Variants in CFHR4 observed in about 807,000 individuals in gnomAD.
The protein encoded by CFHR4 is complement factor H-related protein 4.
A neutral mutation model predicts 69.3 loss-of-function variants in CFHR4; 64 were observed. The observed-to-expected ratio is 0.92, with a 90% CI of 0.76 to 1.14. The LOEUF (loss-of-function observed/expected upper bound fraction) is 1.14. Among genes scored for constraint, CFHR4 ranks in the 50% most tolerant of loss-of-function variants. The pLI, the probability that CFHR4 is intolerant of heterozygous loss-of-function variation, is 0.00. For missense variants in CFHR4, 636 were observed against 684.9 expected, an observed-to-expected ratio of 0.93 and a Z score of 0.80; for synonymous variants, 244 against 237.0, an observed-to-expected ratio of 1.03 and a Z score of -0.27.
intron 7 of CFHR4, among the ~76,000 whole-genome samples, chr1:196,914,007 A>G (rs1245715766): frequency 6.6e-6 from 1 of 151,522 alleles, no homozygotes; most frequent in Non-Finnish European, 1.5e-5. Context: ...TCTACTTTAA[A>G]ACTTGTAAAA....
Position 196,910,441 on chromosome 1 carries a change from C to A in CFHR4, c.960C>A (p.Cys320Ter). Residue 320 changes from cysteine (C) to a stop codon, truncating the protein, a stop_gained, in exon 6 of 10, where the codon TGC becomes TGA. Coordinates refer to ENST00000608469, the MANE Select transcript of CFHR4 (RefSeq NM_001201550.3). LOFTEE classifies it high-confidence loss of function. Reference protein sequence around the residue: ...PSGSYWDYIHCTQDGWLPTVP... With the variant: ...PSGSYWDYIH ...GAAGTTACTGGGATTACATTCACTG[C>A]ACACAAGATGGGTGGTTGCCAACAG... 3 of 1,612,758 alleles carry A rather than the reference C, an allele frequency of 1.9e-6. No individual in the cohort carries two copies. The highest frequency in any genetic ancestry group is 2.5e-6 in the Non-Finnish European group (3 of 1,179,596).
At chr1:196,909,265 A>T (rs1658105952) in intron 5 of CFHR4, among the ~76,000 whole-genome samples, 1 of 151,486 alleles carries the variant, frequency 6.6e-6, no homozygotes, top group South Asian at 2.1e-4. Context: ...GTTCCATGAT[A>T]CAAGCAAGAC....
rs1403061697 is a variant in CFHR4 at position 196,910,497 on chromosome 1, A to G, written c.997+19A>G. 6.3e-7 allele frequency: 1 copy of G among 1,590,242 alleles called. No individual in the cohort carries two copies. The highest frequency in any genetic ancestry group is 8.6e-7 in the Non-Finnish European group (1 of 1,160,722). On this transcript the variant is annotated intron_variant, in intron 6 of 9. Coordinates refer to ENST00000608469, the MANE Select transcript of CFHR4 (RefSeq NM_001201550.3). ...TGCCTCAGTAAGCAAACCTCTTTAC[A>G]ACAATATGTGCATAAAACTTGCAAA...
At chr1:196,909,768 T>C (rs1465468355) in intron 5 of CFHR4, among the ~76,000 whole-genome samples, 2 of 151,274 alleles carry the variant, frequency 1.3e-5, no homozygotes, top group Non-Finnish European at 2.9e-5. Flanking sequence ...CTAACCACCA[T>C]GGCACACATT....
At chr1:196,890,920 A>G (rs1274932720) in intron 1 of CFHR4, among the ~76,000 whole-genome samples, 1 of 151,524 alleles carries the variant, frequency 6.6e-6, no homozygotes, top group East Asian at 1.9e-4. Context: ...ATGAACCTAA[A>G]CTATGAAAAC....
chr1:196,905,961 T>C (rs1248383654), intron 3 of CFHR4, among the ~76,000 whole-genome samples: 1 of 151,568 alleles, frequency 6.6e-6, no homozygotes, highest in Non-Finnish European at 1.5e-5. Context: ...TAATGAACAA[T>C]GGAAACCTTG....
rs752075259 is a variant in CFHR4 at position 196,914,501 on chromosome 1, G to C, written c.1187G>C (p.Cys396Ser). Residue 396 changes from cysteine (C) to serine (S), a missense_variant, in exon 8 of 10, where the codon TGT (cysteine) becomes TCT (serine). Coordinates refer to ENST00000608469, the MANE Select transcript of CFHR4 (RefSeq NM_001201550.3). The stretch of plus-strand genomic sequence containing the variant: ...CAATTTTATTTTGTTTCAGAATTTT[G>C]TGATATGCCTGTTTTTGAGAATTCC... ...WSAQPICIKF[C>S]DMPVFENSRA... 6.2e-7 allele frequency: 1 copy of C among 1,605,336 alleles called. No individual in the cohort carries two copies. Among genetic ancestry groups the C allele is most frequent in the Non-Finnish European group, 8.5e-7 (1 of 1,176,510 alleles).
At position 196,907,179 on chromosome 1, in the gene CFHR4, TA is replaced by T. The variant is rs201837888; in HGVS notation, c.617-128del. On this transcript the variant is annotated intron_variant, in intron 4 of 9. Coordinates refer to ENST00000608469, the MANE Select transcript of CFHR4 (RefSeq NM_001201550.3). ...TTTGAGTGTGAATTACCTTGAAACT[TA>T]AAAAAAAAGGTTGAAAATACAAATG... 1.1e-3 allele frequency: 1,337 copies of T among 1,190,872 alleles called. 7 individuals carry two copies. The highest frequency in any genetic ancestry group is 2.5e-3 in the Admixed American group (98 of 39,600). 73.8% of individuals were successfully genotyped at this position (1,190,872 alleles called of 1,614,324 possible).
chr1:196,902,033 A>G lies in CFHR4; in HGVS notation c.59-385A>G, dbSNP rs147620774. Among the ~76,000 whole-genome samples, 256 of 151,588 alleles carry G rather than the reference A, an allele frequency of 1.7e-3. 6 individuals carry two copies. Among genetic ancestry groups the G allele is most frequent in the African/African-American group, 5.8e-3 (239 of 41,140 alleles). On this transcript the variant is annotated intron_variant, in intron 1 of 9. Coordinates refer to ENST00000608469, the MANE Select transcript of CFHR4 (RefSeq NM_001201550.3). ...TTTTTAAAATCCTCAAAAAACTACT[A>G]TCTCCCACTCTAGAGTTGGTCTGAG...
rs202205962 is a variant in CFHR4, at chr1:196,918,214, A to G, written c.1545A>G (p.Pro515=). ...TGTTTCTTTTTCTGCTTTCAGATCCATGTATAATAACTGAAGAAAACATGA... is the reference window on the plus strand; with the variant it reads ...TGTTTCTTTTTCTGCTTTCAGATCCGTGTATAATAACTGAAGAAAACATGA... The part of the protein sequence containing the change: ...EWSEPPRCIH[P]CIITEENMNK... The change falls in exon 10 of 10, where the codon CCA becomes CCG. Residue 515 remains proline (P), a synonymous_variant. Coordinates refer to ENST00000608469, the MANE Select transcript of CFHR4 (RefSeq NM_001201550.3). The G allele has an allele frequency of 9.7e-5, 155 of 1,603,300 alleles. 2 individuals are homozygous for G. Among genetic ancestry groups the G allele is most frequent in the Non-Finnish European group, 7.6e-5 (89 of 1,173,236 alleles).
Position 196,905,200 on chromosome 1 carries a change from TG to T in CFHR4, c.350del (p.Cys117LeufsTer75). On this transcript the variant is annotated frameshift_variant, in exon 3 of 10. Coordinates refer to ENST00000608469, the MANE Select transcript of CFHR4 (RefSeq NM_001201550.3). LOFTEE classifies it high-confidence loss of function. ...TTTAAATGAAGAAACACAATATAATTGTAAACCAGGATATGCAACAGCAGAG... is the reference window on the plus strand; with the variant it reads ...TTTAAATGAAGAAACACAATATAATTTAAACCAGGATATGCAACAGCAGAG... ...YILNEETQYN[C>X]KPGYATAEGN... 1 of 1,611,230 alleles carries T rather than the reference TG, an allele frequency of 6.2e-7. No individual in the cohort carries two copies. The highest frequency in any genetic ancestry group is 8.5e-7 in the Non-Finnish European group (1 of 1,178,796).
Position 196,910,396 on chromosome 1 carries a change from A to G in CFHR4, c.915A>G (p.Gln305=). ...TGQSYSYYCD[Q]NFVTPSGSYW... is the part of the protein sequence containing the mutation. ...AATCTTACTCCTATTACTGTGACCA[A>G]AATTTTGTGACTCCTTCAGGAAGTT... is the stretch of plus-strand genomic sequence containing the variant. Residue 305 remains glutamine (Q), a synonymous_variant, in exon 6 of 10, where the codon CAA becomes CAG. Coordinates refer to ENST00000608469, the MANE Select transcript of CFHR4 (RefSeq NM_001201550.3). The G allele has an allele frequency of 6.2e-7, 1 of 1,612,738 alleles. No individual in the cohort carries two copies. Among genetic ancestry groups the G allele is most frequent in the Non-Finnish European group, 8.5e-7 (1 of 1,179,564 alleles).
chr1:196,898,835 C>T (rs1320998896), intron 1 of CFHR4, among the ~76,000 whole-genome samples: 1 of 151,522 alleles, frequency 6.6e-6, no homozygotes, highest in Admixed American at 6.6e-5. Flanking sequence ...ACATGGCTCA[C>T]TCACACAGAT....
chr1:196,896,960 A>G (rs975711130), intron 1 of CFHR4, among the ~76,000 whole-genome samples: 1 of 151,580 alleles, frequency 6.6e-6, no homozygotes, highest in Non-Finnish European at 1.5e-5. Flanking sequence ...GGTTTGTTAC[A>G]TATGTATAAA....
chr1:196,895,749 C>T (rs1459212793), intron 1 of CFHR4, among the ~76,000 whole-genome samples: 2 of 151,240 alleles, frequency 1.3e-5, no homozygotes, highest in Non-Finnish European at 2.9e-5. Context: ...ACCATCAGAG[C>T]TTTTTCAGGG....
intron 1 of CFHR4, among the ~76,000 whole-genome samples, chr1:196,896,155 A>T (rs900000941): frequency 8.1e-5 from 12 of 147,866 alleles, no homozygotes; most frequent in African/African-American, 2.8e-4. Context: ...TTAATCTAAT[A>T]ATGGGTAACA....
chr1:196,899,725 C>T (rs1398083075), intron 1 of CFHR4, among the ~76,000 whole-genome samples: 2 of 151,656 alleles, frequency 1.3e-5, no homozygotes, highest in African/African-American at 4.9e-5. Flanking sequence ...AGCCCAAATG[C>T]TTCTGGACCA....
chr1:196,890,134 T>C (rs1232889996), intron 1 of CFHR4, among the ~76,000 whole-genome samples: 1 of 151,604 alleles, frequency 6.6e-6, no homozygotes. Flanking sequence ...GATACGTATA[T>C]ACCCACCATA....
intron 1 of CFHR4, 151 bp downstream of exon 1, chr1:196,888,359 A>C: frequency 1.4e-6 from 1 of 696,680 alleles, no homozygotes; most frequent in East Asian, 2.8e-5. Flanking sequence ...AGTATAACAG[A>C]AATTAATTTT....
Sources: allele counts gnomAD v4.1 joint callset (sites outside exome capture counted in the v4.1 genomes callset), GRCh38; gene constraint gnomAD v4.1.1; transcripts MANE v1.5; gene names NCBI Gene and HGNC (gene_info 2026-07-23, HGNC 2026-07-21).